DNAJC13: variants seen among roughly 807,000 people sequenced by gnomAD.
DNAJC13 encodes the protein DnaJ heat shock protein family (Hsp40) member C13.
In DNAJC13, 75 loss-of-function variants were observed where a neutral mutation model predicts 290.5. The observed-to-expected ratio is 0.26, with a 90% CI of 0.21 to 0.31. The LOEUF is 0.31. DNAJC13 is among the 10% of genes least tolerant of loss of function. DNAJC13 has a pLI of 1.00. For missense variants in DNAJC13, 2,260 were observed against 2,674.5 expected, an observed-to-expected ratio of 0.85 and a Z score of 3.42; for synonymous variants, 862 against 892.0, an observed-to-expected ratio of 0.97 and a Z score of 0.60.
At chr3:132,512,279 G>T (rs554297851) in intron 44 of DNAJC13, among the ~76,000 whole-genome samples, 1 of 152,264 alleles carries the variant, frequency 6.6e-6, no homozygotes, top group South Asian at 2.1e-4. Flanking sequence ...GTGTGTCATT[G>T]ATGTATTTGA....
At chr3:132,478,494 C>T (rs1934546661) in intron 24 of DNAJC13, among the ~76,000 whole-genome samples, 1 of 152,166 alleles carries the variant, frequency 6.6e-6, no homozygotes, top group Non-Finnish European at 1.5e-5. Flanking sequence ...TTAATTGATG[C>T]TACCATACTA....
intron 42 of DNAJC13, 97 bp downstream of exon 42, chr3:132,505,512 A>T: frequency 1.3e-6 from 1 of 785,842 alleles, no homozygotes. Flanking sequence ...ACTACTTCTC[A>T]CTTTAGTGTC....
chr3:132,486,049 G>A (rs1284727309), intron 29 of DNAJC13, among the ~76,000 whole-genome samples: 4 of 121,460 alleles, frequency 3.3e-5, no homozygotes, highest in African/African-American at 1.2e-4. Flanking sequence ...CATTGATGCT[G>A]AAAAAGACTT....
intron 44 of DNAJC13, among the ~76,000 whole-genome samples, chr3:132,511,464 G>A (rs1935777719): frequency 1.3e-5 from 2 of 152,160 alleles, no homozygotes; most frequent in South Asian, 4.1e-4. Flanking sequence ...GTCTTTATGA[G>A]AACATGTGTC....
chr3:132,420,086 A>G (rs1938911038), intron 1 of DNAJC13, among the ~76,000 whole-genome samples: 1 of 152,266 alleles, frequency 6.6e-6, no homozygotes, highest in African/African-American at 2.4e-5. Flanking sequence ...GACAGTGCTT[A>G]CAGAGAGTAG....
At chr3:132,420,836 C>T (rs1938933732) in intron 1 of DNAJC13, among the ~76,000 whole-genome samples, 1 of 152,166 alleles carries the variant, frequency 6.6e-6, no homozygotes, top group African/African-American at 2.4e-5. Context: ...CAGGCGTGCT[C>T]ATTTCCAGTC....
chr3:132,473,815 A>G (rs1934369549), intron 21 of DNAJC13, among the ~76,000 whole-genome samples: 1 of 152,174 alleles, frequency 6.6e-6, no homozygotes, highest in South Asian at 2.1e-4. Flanking sequence ...AAAGAAAAAT[A>G]TGTCCTTTGA....
At position 132,456,752 on chromosome 3, in the gene DNAJC13, G is replaced by A. The variant is rs111869442; in HGVS notation, c.1269G>A (p.Ala423=). The change falls in exon 12 of 56, where the codon GCG becomes GCA. Residue 423 remains alanine (A), a synonymous_variant. Transcript: ENST00000260818. ...SQEGDVVASN[A]ELESQFQAVR... Reference sequence around the variant, plus strand: ...AAGGGGATGTCGTTGCTTCAAATGCGGAACTTGAGAGTCAGTTCCAGGCTG... The same window carrying A: ...AAGGGGATGTCGTTGCTTCAAATGCAGAACTTGAGAGTCAGTTCCAGGCTG... 6.9e-4 allele frequency: 1,120 copies of A among 1,614,096 alleles called. 2 individuals carry two copies. The highest frequency in any genetic ancestry group is 8.1e-4 in the Non-Finnish European group (961 of 1,179,962).
intron 55 of DNAJC13, among the ~76,000 whole-genome samples, chr3:132,537,629 T>C (rs1936637316): frequency 6.6e-6 from 1 of 152,254 alleles, no homozygotes; most frequent in Non-Finnish European, 1.5e-5. Context: ...CATTCTTGTT[T>C]TAACCTATGA....
intron 2 of DNAJC13, among the ~76,000 whole-genome samples, chr3:132,436,506 T>A (rs149439241): frequency 6.6e-6 from 1 of 152,376 alleles, no homozygotes; most frequent in African/African-American, 2.4e-5. Flanking sequence ...AATGCCACTG[T>A]GAATGTTTCC....
At chr3:132,471,356 C>T (rs1270062497) in intron 20 of DNAJC13, among the ~76,000 whole-genome samples, 3 of 143,070 alleles carry the variant, frequency 2.1e-5, no homozygotes, top group Admixed American at 6.9e-5. Flanking sequence ...CCCCCCCCCA[C>T]CTCCCTCCCG....
At chr3:132,536,930 G>GCAA (rs1488276267) in intron 55 of DNAJC13, among the ~76,000 whole-genome samples, 95 of 152,250 alleles carry the variant, frequency 6.2e-4, no homozygotes, top group Non-Finnish European at 1.3e-3. Flanking sequence ...TGGGCACTCT[G>GCAA]GTTGGCTTCA....
intron 1 of DNAJC13, 148 bp from the exon 2 acceptor site, chr3:132,434,390 A>G (rs1939322965): frequency 2.1e-6 from 1 of 478,236 alleles, no homozygotes. Context: ...ATCTCAAAAA[A>G]AAAAAAAACA....
In DNAJC13 at chr3:132,490,934, G is replaced by A; in HGVS notation, c.3506G>A (p.Gly1169Glu). The change falls in exon 32 of 56, where the codon GGG becomes GAG. Residue 1169 changes from glycine to glutamate, a missense_variant. Coordinates refer to ENST00000260818, the MANE Select transcript of DNAJC13 (RefSeq NM_015268.4). The stretch of plus-strand genomic sequence containing the variant: ...GATATTTTTCAGAGAAGTATACTTG[G>A]GCACATTCTACCTGAAGCAATGGTT... ...GQDIFQRSIL[G>E]HILPEAMVCY... 1.9e-6 allele frequency: 3 copies of A among 1,609,348 alleles called. No homozygotes were observed. Among genetic ancestry groups the A allele is most frequent in the Non-Finnish European group, 2.5e-6 (3 of 1,178,318 alleles).
intron 5 of DNAJC13, among the ~76,000 whole-genome samples, 161 bp from the exon 6 acceptor site, chr3:132,450,486 A>C (rs892197114): frequency 3.3e-5 from 5 of 152,168 alleles, no homozygotes; most frequent in Non-Finnish European, 7.4e-5. Context: ...ACCTCCAAAT[A>C]GTTAAAATTA....
intron 51 of DNAJC13, among the ~76,000 whole-genome samples, chr3:132,524,863 A>G (rs561893619): frequency 6.6e-5 from 10 of 152,306 alleles, no homozygotes; most frequent in Admixed American, 3.3e-4. Context: ...GGTCTTTCCA[A>G]TCCGTTATCC....
intron 5 of DNAJC13, among the ~76,000 whole-genome samples, chr3:132,449,575 G>A (rs536620467): frequency 6.6e-6 from 1 of 152,272 alleles, no homozygotes; most frequent in African/African-American, 2.4e-5. Flanking sequence ...TGTGTTCGAT[G>A]CATAGATCAG....
Position 132,450,632 on chromosome 3 carries a change from T to A in DNAJC13, c.337-15T>A, listed in dbSNP as rs1559873907. 1 of 1,580,204 alleles carries A rather than the reference T, an allele frequency of 6.3e-7. No homozygotes were observed. The highest frequency in any genetic ancestry group is 8.7e-7 in the Non-Finnish European group (1 of 1,155,184). ...TATTTTATGAACCTAAAAGTAATAC[T>A]GATTCTGTCTTTAGAGATACAACTG... On this transcript the variant is annotated splice_polypyrimidine_tract_variant and intron_variant, in intron 5 of 55. Transcript: ENST00000260818.
intron 36 of DNAJC13, among the ~76,000 whole-genome samples, chr3:132,498,391 A>C (rs11926694): frequency 0.092 from 14,036 of 152,132 alleles, 803 homozygotes; most frequent in South Asian, 0.14. Flanking sequence ...TTCTTTATAA[A>C]GATGTGCATA....
Sources: allele counts gnomAD v4.1 joint callset (sites outside exome capture counted in the v4.1 genomes callset), GRCh38; gene constraint gnomAD v4.1.1; transcripts MANE v1.5; gene names NCBI Gene and HGNC (gene_info 2026-07-23, HGNC 2026-07-21).